The following CLIC4 variants were observed in gnomAD, a reference collection of about 807,000 sequenced individuals.
CLIC4 encodes CLIC family member 4, also known as chloride intracellular channel protein 4.
Under a neutral mutation model 24.6 loss-of-function variants are expected in CLIC4, and 13 were observed. The observed-to-expected ratio is 0.53, with a 90% confidence interval of 0.34 to 0.84. The LOEUF is 0.84. CLIC4 is among the 40% of genes least tolerant of loss of function. CLIC4 has a pLI of 0.01. For missense variants in CLIC4, 227 were observed against 301.7 expected, an observed-to-expected ratio of 0.75 and a Z score of 1.83; for synonymous variants, 104 against 111.3, an observed-to-expected ratio of 0.93 and a Z score of 0.41.
chr1:24,758,035 A>G (rs2124085775), intron 1 of CLIC4, among the ~76,000 whole-genome samples: 1 of 152,246 alleles, frequency 6.6e-6, no homozygotes, highest in Non-Finnish European at 1.5e-5. Context: ...CTGTGATTAC[A>G]GGTGTGAGCC....
chr1:24,839,218 A>G (rs1639914708), intron 4 of CLIC4, among the ~76,000 whole-genome samples: 1 of 152,246 alleles, frequency 6.6e-6, no homozygotes, highest in African/African-American at 2.4e-5. Context: ...TTGAATTAAT[A>G]TGCTTGCCTT....
intron 1 of CLIC4, among the ~76,000 whole-genome samples, chr1:24,762,540 C>T (rs1330214005): frequency 6.6e-6 from 1 of 152,050 alleles, no homozygotes; most frequent in Non-Finnish European, 1.5e-5. Flanking sequence ...AGAAGCTAGA[C>T]AAGGAGAACA....
intron 1 of CLIC4, among the ~76,000 whole-genome samples, chr1:24,756,401 T>G (rs1201104293): frequency 6.6e-6 from 1 of 152,240 alleles, no homozygotes; most frequent in Non-Finnish European, 1.5e-5. Flanking sequence ...TTCATAGGTT[T>G]CTTTGCTTTT....
intron 1 of CLIC4, among the ~76,000 whole-genome samples, chr1:24,779,050 C>G (rs887677605): frequency 6.6e-6 from 1 of 151,870 alleles, no homozygotes; most frequent in Non-Finnish European, 1.5e-5. Flanking sequence ...CATTTTGGCA[C>G]TGATTAGAGA....
At chr1:24,827,542 G>GTTTTTTTTTTTTTTTTT (rs35037847) in intron 4 of CLIC4, among the ~76,000 whole-genome samples, 1 of 95,832 alleles carries the variant, frequency 1.0e-5, no homozygotes. Flanking sequence ...TCAGTCTGAG[G>GTTTTTTTTTTTTTTTTT]TTTTTTTTTT....
At chr1:24,780,900 C>T (rs1174784877) in intron 1 of CLIC4, among the ~76,000 whole-genome samples, 1 of 151,350 alleles carries the variant, frequency 6.6e-6, no homozygotes, top group African/African-American at 2.4e-5. Flanking sequence ...ACAACCTGAC[C>T]AACATGGAGA....
intron 2 of CLIC4, among the ~76,000 whole-genome samples, chr1:24,799,305 A>T (rs943830271): frequency 7.0e-6 from 1 of 141,950 alleles, no homozygotes; most frequent in Non-Finnish European, 1.5e-5. Context: ...CCGCCTCCCC[A>T]TCTGGGATGT....
chr1:24,762,745 C>T (rs915907121), intron 1 of CLIC4, among the ~76,000 whole-genome samples: 19 of 152,138 alleles, frequency 1.2e-4, no homozygotes, highest in Admixed American at 3.9e-4. Flanking sequence ...GGTGGGAAGT[C>T]ATAATACAGC....
Position 24,840,796 on chromosome 1 carries a change from C to T in CLIC4, c.621C>T (p.Asn207=). 2 of 1,605,640 alleles carry T rather than the reference C, an allele frequency of 1.2e-6. No individual in the cohort carries two copies. Among genetic ancestry groups the T allele is most frequent in the Non-Finnish European group, 1.7e-6 (2 of 1,176,564 alleles). The change falls in exon 6 of 6, where the codon AAC becomes AAT. Residue 207 remains asparagine (N), a synonymous_variant. Coordinates refer to ENST00000374379, the MANE Select transcript of CLIC4 (RefSeq NM_013943.3). The part of the protein sequence containing the change: ...IVKVVAKKYR[N]FDIPKEMTGI... ...AGGTGGTGGCCAAAAAATATCGCAA[C>T]TTTGATATTCCAAAAGAAATGACTG...
At chr1:24,812,538 T>TC (rs773012714) in intron 2 of CLIC4, among the ~76,000 whole-genome samples, 1 of 152,190 alleles carries the variant, frequency 6.6e-6, no homozygotes, top group Non-Finnish European at 1.5e-5. Flanking sequence ...AAATCTTTTT[T>TC]CCCTCCTCAT....
intron 2 of CLIC4, among the ~76,000 whole-genome samples, chr1:24,798,703 G>C (rs1280043020): frequency 1.3e-5 from 2 of 152,168 alleles, no homozygotes; most frequent in African/African-American, 4.8e-5. Context: ...CCTCTCATGC[G>C]GAGCCGAAGC....
chr1:24,827,686 T>G (rs1295303627), intron 4 of CLIC4, among the ~76,000 whole-genome samples: 1 of 152,136 alleles, frequency 6.6e-6, no homozygotes, highest in Non-Finnish European at 1.5e-5. Flanking sequence ...AGCTGGAATT[T>G]CATTTTCAAG....
intron 3 of CLIC4, among the ~76,000 whole-genome samples, chr1:24,825,130 A>T (rs1208157872): frequency 2.0e-5 from 3 of 152,160 alleles, no homozygotes; most frequent in African/African-American, 4.8e-5. Flanking sequence ...TATATAAATG[A>T]TCTGTAATTC....
At chr1:24,764,191 C>T (rs1432709770) in intron 1 of CLIC4, among the ~76,000 whole-genome samples, 5 of 152,184 alleles carry the variant, frequency 3.3e-5, no homozygotes, top group Admixed American at 2.0e-4. Flanking sequence ...ACCTCCGCCT[C>T]CCGGGTTCAA....
chr1:24,765,790 C>T (rs887431041), intron 1 of CLIC4, among the ~76,000 whole-genome samples: 1 of 150,280 alleles, frequency 6.7e-6, no homozygotes, highest in African/African-American at 2.4e-5. Flanking sequence ...ATTTTTCTTT[C>T]CTTCTTTTTC....
intron 1 of CLIC4, among the ~76,000 whole-genome samples, chr1:24,759,133 A>T (rs1638889315): frequency 6.6e-6 from 1 of 152,222 alleles, no homozygotes; most frequent in African/African-American, 2.4e-5. Flanking sequence ...GCTCTTTAGG[A>T]GAAATCTATT....
At chr1:24,806,315 A>G (rs1639550189) in intron 2 of CLIC4, among the ~76,000 whole-genome samples, 1 of 152,204 alleles carries the variant, frequency 6.6e-6, no homozygotes, top group Non-Finnish European at 1.5e-5. Flanking sequence ...AGAATCTTAG[A>G]TTCTGTTTTG....
At chr1:24,755,568 C>T (rs1638836904) in intron 1 of CLIC4, among the ~76,000 whole-genome samples, 1 of 151,078 alleles carries the variant, frequency 6.6e-6, no homozygotes, top group African/African-American at 2.4e-5. Context: ...ATGATTGTGC[C>T]ACTGCACTCT....
chr1:24,835,223 T>C (rs923161704), intron 4 of CLIC4, among the ~76,000 whole-genome samples: 19 of 151,874 alleles, frequency 1.3e-4, no homozygotes, highest in Non-Finnish European at 1.2e-4. Context: ...CACTTATCAC[T>C]TAGGTAGGTA....
Sources: allele counts gnomAD v4.1 joint callset (sites outside exome capture counted in the v4.1 genomes callset), GRCh38; gene constraint gnomAD v4.1.1; transcripts MANE v1.5; gene names NCBI Gene and HGNC (gene_info 2026-07-23, HGNC 2026-07-21).